SH3GL2: variants seen among roughly 807,000 people sequenced by gnomAD.
The protein encoded by SH3GL2 is endophilin-A1.
Under a neutral mutation model 46.0 loss-of-function variants are expected in SH3GL2, and 24 were observed. The observed-to-expected ratio is 0.52, with a 90% CI of 0.38 to 0.73. The LOEUF (loss-of-function observed/expected upper bound fraction) is 0.73. Ranked by LOEUF, SH3GL2 falls within the 30% of genes least tolerant of loss-of-function variation. The probability of loss-of-function intolerance (pLI) is 0.00; values close to 1 mark genes in which losing one functional copy is unlikely to be tolerated. For missense variants in SH3GL2, 413 were observed against 424.2 expected (o/e 0.97, Z 0.23); for synonymous variants, 196 against 147.1 (o/e 1.33, Z -2.40).
intron 3 of SH3GL2, among the ~76,000 whole-genome samples, chr9:17,769,946 A>T (rs1421630316): frequency 6.6e-6 from 1 of 152,090 alleles, no homozygotes; most frequent in Admixed American, 6.5e-5. Flanking sequence ...TTACTCCTTT[A>T]TATATACCCA....
chr9:17,765,576 T>G (rs1294459767), intron 3 of SH3GL2, among the ~76,000 whole-genome samples: 2 of 152,158 alleles, frequency 1.3e-5, no homozygotes, highest in African/African-American at 2.4e-5. Flanking sequence ...CCTTTAGGAT[T>G]AACTTTCATT....
intron 1 of SH3GL2, among the ~76,000 whole-genome samples, 176 bp from the exon 2 acceptor site, chr9:17,746,890 A>C (rs185420719): frequency 6.6e-6 from 1 of 152,334 alleles, no homozygotes; most frequent in Non-Finnish European, 1.5e-5. Flanking sequence ...GCCTTTAGTA[A>C]GTTTTTCAGA....
intron 3 of SH3GL2, among the ~76,000 whole-genome samples, chr9:17,769,153 C>G (rs912816026): frequency 3.9e-5 from 6 of 152,196 alleles, no homozygotes; most frequent in African/African-American, 1.2e-4. Context: ...CTTCTAACTT[C>G]CTAAGCCTTT....
At chr9:17,598,922 C>A (rs1442786675) in intron 1 of SH3GL2, among the ~76,000 whole-genome samples, 2 of 152,044 alleles carry the variant, frequency 1.3e-5, no homozygotes, top group African/African-American at 2.4e-5. Context: ...TCCATCCTTT[C>A]AAAGTTGGAA....
At chr9:17,678,752 T>A (rs1820684031) in intron 1 of SH3GL2, among the ~76,000 whole-genome samples, 1 of 152,234 alleles carries the variant, frequency 6.6e-6, no homozygotes, top group Non-Finnish European at 1.5e-5. Flanking sequence ...TTCTAGGGTT[T>A]TTATGGTTTT....
At chr9:17,714,865 G>T (rs1300941410) in intron 1 of SH3GL2, among the ~76,000 whole-genome samples, 1 of 151,150 alleles carries the variant, frequency 6.6e-6, no homozygotes, top group East Asian at 1.9e-4. Context: ...GGTATCATTT[G>T]TTTTTTGCTT....
intron 1 of SH3GL2, among the ~76,000 whole-genome samples, chr9:17,611,750 C>G (rs943100383): frequency 4.6e-5 from 7 of 152,320 alleles, no homozygotes; most frequent in African/African-American, 1.7e-4. Flanking sequence ...TACACCCCGT[C>G]AGGAGGAGAT....
intron 1 of SH3GL2, among the ~76,000 whole-genome samples, chr9:17,659,681 A>T (rs1268042644): frequency 6.6e-6 from 1 of 152,174 alleles, no homozygotes; most frequent in Non-Finnish European, 1.5e-5. Flanking sequence ...TTTACTGATT[A>T]TTTCATCAGA....
intron 1 of SH3GL2, among the ~76,000 whole-genome samples, chr9:17,685,447 C>T (rs1478355121): frequency 6.6e-6 from 1 of 152,038 alleles, no homozygotes; most frequent in African/African-American, 2.4e-5. Context: ...CACAACAGTA[C>T]CTAGATTAAT....
chr9:17,686,766 A>T (rs1188466758), intron 1 of SH3GL2, among the ~76,000 whole-genome samples: 1 of 130,320 alleles, frequency 7.7e-6, no homozygotes, highest in East Asian at 2.4e-4. Context: ...AGGAAGGGGA[A>T]TATCACACTC....
chr9:17,732,645 A>T (rs1471030286), intron 1 of SH3GL2, among the ~76,000 whole-genome samples: 1 of 152,068 alleles, frequency 6.6e-6, no homozygotes, highest in Non-Finnish European at 1.5e-5. Flanking sequence ...CTTCATGGGG[A>T]ATGGTATAAT....
At chr9:17,679,239 T>C (rs1268428072) in intron 1 of SH3GL2, among the ~76,000 whole-genome samples, 1 of 152,172 alleles carries the variant, frequency 6.6e-6, no homozygotes, top group Non-Finnish European at 1.5e-5. Flanking sequence ...GCTATTTTCA[T>C]GATATTGATT....
intron 1 of SH3GL2, among the ~76,000 whole-genome samples, chr9:17,713,658 G>A (rs1588266094): frequency 6.6e-5 from 10 of 151,524 alleles, no homozygotes; most frequent in Admixed American, 5.3e-4. Context: ...ATTTAGAAGT[G>A]CATTATTAAC....
At chr9:17,713,718 G>A (rs1821684797) in intron 1 of SH3GL2, among the ~76,000 whole-genome samples, 1 of 151,574 alleles carries the variant, frequency 6.6e-6, no homozygotes, top group African/African-American at 2.4e-5. Context: ...TATTTCTGAT[G>A]TAATTCCATT....
intron 1 of SH3GL2, among the ~76,000 whole-genome samples, chr9:17,614,294 T>TAAAAAAAA (rs1818935410): frequency 8.9e-5 from 1 of 11,226 alleles, no homozygotes; most frequent in Non-Finnish European, 3.0e-4. Flanking sequence ...GCATGGTTTC[T>TAAAAAAAA]GAAAAAAAAA....
At chr9:17,784,236 C>T (rs1823893364) in intron 3 of SH3GL2, among the ~76,000 whole-genome samples, 3 of 152,058 alleles carry the variant, frequency 2.0e-5, no homozygotes, top group Admixed American at 2.0e-4. Flanking sequence ...TAAAGCTCTT[C>T]ATAATTGAAC....
intron 1 of SH3GL2, among the ~76,000 whole-genome samples, chr9:17,654,985 T>C (rs1331021661): frequency 2.6e-5 from 4 of 152,182 alleles, no homozygotes; most frequent in Admixed American, 1.3e-4. Flanking sequence ...AACCATAGTT[T>C]GGTGTTTTGC....
rs35854413 is a variant in SH3GL2 at position 17,702,388 on chromosome 9, A to G, written c.46-44678A>G. On this transcript the variant is annotated intron_variant, in intron 1 of 8. Transcript: ENST00000380607. The stretch of plus-strand genomic sequence containing the variant: ...AATTATGATCCCAAACCCAGAAACT[A>G]TAAAGGAAAGAATCAGGATATATGT... 7.2e-4 allele frequency among the ~76,000 whole-genome samples: 110 copies of G among 152,218 alleles called. No homozygotes were observed. In the East Asian group the frequency reaches 0.019, roughly 27 times the overall value.
intron 1 of SH3GL2, among the ~76,000 whole-genome samples, chr9:17,684,133 A>C (rs926377004): frequency 1.2e-4 from 18 of 152,190 alleles, no homozygotes; most frequent in African/African-American, 4.1e-4. Context: ...ACCAGATGTT[A>C]GAACTATCAG....
Sources: allele counts gnomAD v4.1 joint callset (sites outside exome capture counted in the v4.1 genomes callset), GRCh38; gene constraint gnomAD v4.1.1; transcripts MANE v1.5; gene names NCBI Gene and HGNC (gene_info 2026-07-23, HGNC 2026-07-21).